Variants in NECAP2 observed in about 807,000 individuals in gnomAD.
NECAP2 encodes the protein NECAP endocytosis associated 2, also known as adaptin ear-binding coat-associated protein 2.
A neutral mutation model predicts 37.8 loss-of-function variants in NECAP2; 38 were observed. The ratio of observed to expected loss-of-function variants is 1.01; its 90% CI spans 0.78 to 1.32. The LOEUF (loss-of-function observed/expected upper bound fraction) is 1.32, where lower values mean the gene tolerates loss of function less well. NECAP2 is among the 40% of genes most tolerant of loss of function. NECAP2 has a pLI of 0.00. For missense variants in NECAP2, 316 were observed against 334.5 expected, an observed-to-expected ratio of 0.94 and a Z score of 0.43; for synonymous variants, 121 against 127.7, an observed-to-expected ratio of 0.95 and a Z score of 0.35.
chr1:16,440,861 C>T lies in NECAP2; in HGVS notation c.92+8C>T. 1 of 1,610,202 alleles carries T rather than the reference C, an allele frequency of 6.2e-7. No individual in the cohort carries two copies. On this transcript the variant is annotated splice_region_variant and intron_variant, in intron 1 of 7. Coordinates refer to ENST00000337132, the MANE Select transcript of NECAP2 (RefSeq NM_018090.5). ...TACCAACCGTGGCTACAGGTGACTA[C>T]CCACCGCCAGACCAGGCTAGCTCCA...
intron 1 of NECAP2, 73 bp from the exon 2 acceptor site, chr1:16,443,559 C>G (rs186199256): frequency 2.6e-6 from 3 of 1,149,924 alleles, no homozygotes; most frequent in East Asian, 2.4e-5. Context: ...AATAAGCAGC[C>G]CTTTCCATTC....
intron 2 of NECAP2, among the ~76,000 whole-genome samples, chr1:16,447,267 C>T (rs181609252): frequency 8.0e-5 from 12 of 150,936 alleles, no homozygotes; most frequent in East Asian, 3.9e-4. Flanking sequence ...TATGTTGTGC[C>T]GCACTGTCGA....
chr1:16,456,970 G>A (rs2086930028), intron 7 of NECAP2, among the ~76,000 whole-genome samples: 1 of 152,128 alleles, frequency 6.6e-6, no homozygotes, highest in Non-Finnish European at 1.5e-5. Context: ...CCAGAGTGCT[G>A]GGATTATAGG....
intron 7 of NECAP2, among the ~76,000 whole-genome samples, chr1:16,457,707 G>GTTTTTTTTTT (rs56863489): frequency 1.9e-5 from 2 of 105,498 alleles, no homozygotes; most frequent in African/African-American, 3.8e-5. Context: ...TAGTAATTCT[G>GTTTTTTTTTT]TTTTTTTTTT....
At chr1:16,454,846 C>T (rs1360635513) in intron 6 of NECAP2, among the ~76,000 whole-genome samples, 2 of 152,250 alleles carry the variant, frequency 1.3e-5, no homozygotes, top group Middle Eastern at 3.4e-3. Context: ...TTATTAATAT[C>T]GTTATTGCCA....
At chr1:16,457,146 A>G (rs2086932924) in intron 7 of NECAP2, among the ~76,000 whole-genome samples, 1 of 152,188 alleles carries the variant, frequency 6.6e-6, no homozygotes, top group Non-Finnish European at 1.5e-5. Context: ...TGTGCCAGTA[A>G]AATTTTATTT....
Position 16,449,190 on chromosome 1 carries a change from C to G in NECAP2, c.478C>G (p.Leu160Val). The G allele has an allele frequency of 6.2e-7, 1 of 1,610,352 alleles. No homozygotes were observed. Reference sequence around the variant, plus strand: ...CTTCAAGGAGGGCCAGACCATCAAGCTCAACATCGCAGTGAGTTCTACCCT... The same window carrying G: ...CTTCAAGGAGGGCCAGACCATCAAGGTCAACATCGCAGTGAGTTCTACCCT... The part of the protein sequence containing the change: ...LGFKEGQTIK[L>V]NIANMKKKEG... Residue 160 changes from leucine (L) to valine (V), a missense_variant, in exon 5 of 8, where the codon CTC becomes GTC. Physicochemically the swap from Leu to Val is conservative, Grantham distance 32. Coordinates refer to ENST00000337132, the MANE Select transcript of NECAP2 (RefSeq NM_018090.5).
At position 16,447,829 on chromosome 1, in the gene NECAP2, GGGGCTCA is replaced by G. The variant is rs750770897; in HGVS notation, c.194-32_194-26del. On this transcript the variant is annotated intron_variant, in intron 2 of 7. Coordinates refer to ENST00000337132, the MANE Select transcript of NECAP2 (RefSeq NM_018090.5). Reference sequence around the variant, plus strand: ...TGTGGTAGAAAACCTTGGCTGGAAGGGGGCTCAGGGCTCAGCGCTCAGCCTAACCTGT... The same window carrying G: ...TGTGGTAGAAAACCTTGGCTGGAAGGGGGCTCAGCGCTCAGCCTAACCTGT... 5 of 1,550,140 alleles carry G rather than the reference GGGGCTCA, an allele frequency of 3.2e-6. No individual in the cohort carries two copies. In the Admixed American group the frequency reaches 5.0e-5, roughly 16 times the overall value.
At chr1:16,444,787 C>T (rs974990143) in intron 2 of NECAP2, among the ~76,000 whole-genome samples, 34 of 152,114 alleles carry the variant, frequency 2.2e-4, no homozygotes, top group Admixed American at 6.6e-5. Context: ...GGTAACACCT[C>T]GTTCTCTGAG....
chr1:16,454,966 G>A (rs374066740), intron 6 of NECAP2, among the ~76,000 whole-genome samples: 1 of 152,206 alleles, frequency 6.6e-6, no homozygotes, highest in East Asian at 1.9e-4. Context: ...AATGGAAACT[G>A]AAATGACCTG....
intron 1 of NECAP2, chr1:16,441,634 A>G (rs2086691609): frequency 6.6e-6 from 1 of 152,202 alleles, no homozygotes; most frequent in South Asian, 2.1e-4. Context: ...GCCTATGGCT[A>G]TTTTGTGCCA....
chr1:16,443,549 A>C, intron 1 of NECAP2, 83 bp from the exon 2 acceptor site: 1 of 1,070,454 alleles, frequency 9.3e-7, no homozygotes, highest in Non-Finnish European at 1.4e-6. Flanking sequence ...CTTGGGCTAG[A>C]ATAAGCAGCC....
At chr1:16,453,351 C>T (rs531227892) in intron 6 of NECAP2, among the ~76,000 whole-genome samples, 251 of 152,028 alleles carry the variant, frequency 1.7e-3, no homozygotes, top group African/African-American at 5.7e-3. Flanking sequence ...TCAGGTGATC[C>T]GCCCGCCTCA....
chr1:16,453,743 T>A (rs1157589740), intron 6 of NECAP2, among the ~76,000 whole-genome samples: 1 of 152,196 alleles, frequency 6.6e-6, no homozygotes, highest in African/African-American at 2.4e-5. Flanking sequence ...CGCCTCAGCC[T>A]CCCAAAGTGC....
intron 2 of NECAP2, among the ~76,000 whole-genome samples, chr1:16,446,419 C>T (rs760703456): frequency 6.6e-6 from 1 of 152,076 alleles, no homozygotes; most frequent in Non-Finnish European, 1.5e-5. Flanking sequence ...ATTGAGTGGG[C>T]ATGGTGGCAT....
Position 16,458,856 on chromosome 1 carries a change from A to G in NECAP2, c.758A>G (p.Gln253Arg), listed in dbSNP as rs746516617. 1 of 1,612,228 alleles carries G rather than the reference A, an allele frequency of 6.2e-7. No individual in the cohort carries two copies. Among genetic ancestry groups the G allele is most frequent in the South Asian group, 1.1e-5 (1 of 90,568 alleles). The change falls in exon 8 of 8, where the codon CAG becomes CGG. Residue 253 changes from glutamine (Q) to arginine (R), a missense_variant. Transcript: ENST00000337132. ...FTKSTGSTSS[Q>R]TQPGTGWVQF is the part of the protein sequence containing the mutation. ...TCTCTTTACAGATCAACTTCCAGCC[A>G]GACCCAGCCAGGCACAGGCTGGGTC...
intron 6 of NECAP2, among the ~76,000 whole-genome samples, chr1:16,454,925 C>A (rs2086895875): frequency 6.6e-6 from 1 of 152,152 alleles, no homozygotes; most frequent in Non-Finnish European, 1.5e-5. Flanking sequence ...TGGAGTAGTT[C>A]CTGTTATTTT....
At chr1:16,455,962 C>CA in intron 7 of NECAP2, 69 bp downstream of exon 7, 1 of 1,094,114 alleles carries the variant, frequency 9.1e-7, no homozygotes, top group Non-Finnish European at 1.4e-6. Context: ...GGTATTGTTC[C>CA]ACATGCCTGC....
chr1:16,450,470 C>CGATTTTATTAAGCT (rs1557689281), intron 5 of NECAP2: 2 of 175,884 alleles, frequency 1.1e-5, no homozygotes, highest in African/African-American at 4.8e-5. Flanking sequence ...GCTGGACTTA[C>CGATTTTATTAAGCT]GATTTTATTA....
Sources: allele counts gnomAD v4.1 joint callset (sites outside exome capture counted in the v4.1 genomes callset), GRCh38; gene constraint gnomAD v4.1.1; transcripts MANE v1.5; gene names NCBI Gene and HGNC (gene_info 2026-07-23, HGNC 2026-07-21).